Variants in EXT1 observed in about 807,000 individuals in gnomAD.
EXT1 encodes exostosin glycosyltransferase 1, also known as exostosin-1.
In EXT1, 20 loss-of-function variants were observed where a neutral mutation model predicts 82.5. The ratio of observed to expected loss-of-function variants is 0.24; its 90% confidence interval spans 0.17 to 0.35. The LOEUF (loss-of-function observed/expected upper bound fraction) is 0.35, where lower values mean the gene tolerates loss of function less well. Among genes scored for constraint, EXT1 ranks in the 10% least tolerant of loss-of-function variants. EXT1 has a pLI of 1.00. For missense variants in EXT1, 757 were observed against 936.5 expected (o/e 0.81, Z 2.50); for synonymous variants, 348 against 350.8 (o/e 0.99, Z 0.09).
chr8:117,862,102 C>T (rs1765601718), intron 1 of EXT1, among the ~76,000 whole-genome samples: 1 of 146,110 alleles, frequency 6.8e-6, no homozygotes, highest in Non-Finnish European at 1.5e-5. Context: ...GCAAATCACA[C>T]TTCATGGTTA....
intron 1 of EXT1, among the ~76,000 whole-genome samples, chr8:117,949,281 G>A (rs1814444981): frequency 6.6e-6 from 1 of 152,010 alleles, no homozygotes; most frequent in Admixed American, 6.6e-5. Context: ...GTTGAAACCA[G>A]TTAAATAGCC....
At chr8:118,068,388 A>G (rs1008387127) in intron 1 of EXT1, among the ~76,000 whole-genome samples, 1 of 152,216 alleles carries the variant, frequency 6.6e-6, no homozygotes, top group Admixed American at 6.5e-5. Context: ...ATAGGTAAAC[A>G]TGTGCCATGG....
intron 1 of EXT1, among the ~76,000 whole-genome samples, chr8:117,996,337 T>C (rs1815537981): frequency 6.6e-6 from 1 of 152,214 alleles, no homozygotes. Flanking sequence ...GGTATTTATA[T>C]CTAAATTAAT....
chr8:118,031,537 A>G (rs1432914938), intron 1 of EXT1, among the ~76,000 whole-genome samples: 1 of 151,958 alleles, frequency 6.6e-6, no homozygotes, highest in Admixed American at 6.6e-5. Context: ...AAAAAAAAAA[A>G]TTCAAATATT....
At chr8:117,822,410 C>T in intron 5 of EXT1, 55 bp downstream of exon 5, 1 of 1,599,284 alleles carries the variant, frequency 6.3e-7, no homozygotes. Context: ...GCCTTTAGTT[C>T]TGTATGACAT....
intron 1 of EXT1, among the ~76,000 whole-genome samples, chr8:117,861,443 T>C (rs902540373): frequency 1.3e-5 from 2 of 151,818 alleles, no homozygotes; most frequent in African/African-American, 4.8e-5. Context: ...GGGGTATGTA[T>C]GAAAGGAGAG....
intron 1 of EXT1, among the ~76,000 whole-genome samples, chr8:117,969,376 T>C (rs1374729676): frequency 6.6e-6 from 1 of 152,234 alleles, no homozygotes; most frequent in Non-Finnish European, 1.5e-5. Flanking sequence ...TAGTATTGTA[T>C]AGCAAATGGT....
At chr8:117,867,509 A>C (rs535035147) in intron 1 of EXT1, among the ~76,000 whole-genome samples, 1 of 152,242 alleles carries the variant, frequency 6.6e-6, no homozygotes, top group South Asian at 2.1e-4. Flanking sequence ...TATGAATTGG[A>C]CTGGGATTAA....
intron 1 of EXT1, among the ~76,000 whole-genome samples, chr8:118,085,025 C>T (rs922378623): frequency 2.0e-5 from 3 of 152,126 alleles, no homozygotes; most frequent in Non-Finnish European, 4.4e-5. Flanking sequence ...ATGGGATGAG[C>T]CTTTATGGCT....
intron 1 of EXT1, among the ~76,000 whole-genome samples, chr8:117,926,921 C>T (rs935833113): frequency 1.3e-5 from 2 of 152,160 alleles, no homozygotes; most frequent in African/African-American, 4.8e-5. Context: ...CAACAAAAGC[C>T]TTGAATGTCT....
chr8:117,909,952 G>C (rs1813614470), intron 1 of EXT1, among the ~76,000 whole-genome samples: 1 of 152,098 alleles, frequency 6.6e-6, no homozygotes, highest in Non-Finnish European at 1.5e-5. Context: ...ATTTTTAGTA[G>C]AGACGGGGTT....
At chr8:117,907,646 A>G (rs1166697541) in intron 1 of EXT1, among the ~76,000 whole-genome samples, 1 of 152,224 alleles carries the variant, frequency 6.6e-6, no homozygotes, top group African/African-American at 2.4e-5. Flanking sequence ...TGTTTATTAT[A>G]GCTATCAGTT....
chr8:117,983,067 C>A (rs932052547), intron 1 of EXT1, among the ~76,000 whole-genome samples: 1 of 152,158 alleles, frequency 6.6e-6, no homozygotes, highest in Non-Finnish European at 1.5e-5. Flanking sequence ...TTCTCTCTCC[C>A]GAACAAGATT....
At chr8:117,858,855 A>AGGAAGGAT (rs1812630027) in intron 1 of EXT1, among the ~76,000 whole-genome samples, 1 of 57,510 alleles carries the variant, frequency 1.7e-5, no homozygotes, top group South Asian at 5.7e-4. Flanking sequence ...GAAAGAAAGA[A>AGGAAGGAT]AGAAAGAAAG....
intron 1 of EXT1, among the ~76,000 whole-genome samples, chr8:118,039,387 C>T (rs1014360264): frequency 2.0e-5 from 3 of 151,938 alleles, no homozygotes; most frequent in African/African-American, 4.8e-5. Context: ...TGGTGAAACC[C>T]CGTCTCTACT....
At chr8:118,041,027 A>G (rs1479540104) in intron 1 of EXT1, among the ~76,000 whole-genome samples, 1 of 152,260 alleles carries the variant, frequency 6.6e-6, no homozygotes, top group African/African-American at 2.4e-5. Flanking sequence ...AGAGGTTAAT[A>G]CACACATTGT....
intron 1 of EXT1, among the ~76,000 whole-genome samples, chr8:118,104,504 G>A (rs1817775453): frequency 6.6e-6 from 1 of 152,144 alleles, no homozygotes; most frequent in African/African-American, 2.4e-5. Flanking sequence ...AGAGTATGAA[G>A]GAAGCGCTAG....
At chr8:117,803,815 T>G (rs1406844145) in intron 10 of EXT1, among the ~76,000 whole-genome samples, 1 of 152,218 alleles carries the variant, frequency 6.6e-6, no homozygotes, top group Non-Finnish European at 1.5e-5. Context: ...TTATAAAAGC[T>G]TTCAAACATA....
At chr8:118,079,545 T>G (rs942364666) in intron 1 of EXT1, among the ~76,000 whole-genome samples, 2 of 152,138 alleles carry the variant, frequency 1.3e-5, no homozygotes, top group African/African-American at 4.8e-5. Context: ...CCGGCTGGTG[T>G]TTTTGTACTT....
Sources: gnomAD v4.1 joint callset for allele counts (sites outside exome capture counted in the v4.1 genomes callset) on GRCh38, gnomAD v4.1.1 for gene constraint, MANE v1.5 for transcripts, NCBI Gene and HGNC (gene_info 2026-07-23, HGNC 2026-07-21) for gene names.